The following GAS7 variants were observed in gnomAD, a reference collection of about 807,000 sequenced individuals.
GAS7 encodes the protein growth arrest-specific protein 7.
In GAS7, 28 loss-of-function variants were observed where a neutral mutation model predicts 71.1. The ratio of observed to expected loss-of-function variants is 0.39; its 90% CI spans 0.29 to 0.54. The LOEUF (loss-of-function observed/expected upper bound fraction) is 0.54. GAS7 is among the 20% of genes least tolerant of loss of function. The probability of loss-of-function intolerance (pLI) is 0.62; values close to 1 mark genes in which losing one functional copy is unlikely to be tolerated. For missense variants in GAS7, 436 were observed against 627.8 expected (o/e 0.69, Z 3.27); for synonymous variants, 258 against 245.8 (o/e 1.05, Z -0.46).
chr17:10,096,251 G>A (rs2073640059), intron 1 of GAS7, among the ~76,000 whole-genome samples: 1 of 152,174 alleles, frequency 6.6e-6, no homozygotes, highest in Non-Finnish European at 1.5e-5. Context: ...GTCCCTAGAA[G>A]CCAAACCAAA....
intron 1 of GAS7, among the ~76,000 whole-genome samples, chr17:10,155,490 ACTCGTGAGCTTCAAATAACTGTCT>A (rs2074198986): frequency 6.6e-6 from 1 of 152,158 alleles, no homozygotes; most frequent in Non-Finnish European, 1.5e-5. Flanking sequence ...TGTGTGAATG[ACTCGTGAGCTTCAAATAACTGTCT>A]CTGCAGCAAA....
At chr17:10,081,648 A>G (rs2152251720) in intron 1 of GAS7, among the ~76,000 whole-genome samples, 1 of 152,358 alleles carries the variant, frequency 6.6e-6, no homozygotes, top group Non-Finnish European at 1.5e-5. Flanking sequence ...GAGGAAATTC[A>G]AATGGTAAAT....
At chr17:10,066,774 T>C (rs1021309897) in intron 1 of GAS7, among the ~76,000 whole-genome samples, 2 of 152,164 alleles carry the variant, frequency 1.3e-5, no homozygotes, top group African/African-American at 2.4e-5. Flanking sequence ...TCTGCTTGGA[T>C]TGGCTCCTGG....
chr17:10,181,083 G>GCC (rs2074410999), intron 1 of GAS7, among the ~76,000 whole-genome samples: 1 of 146,784 alleles, frequency 6.8e-6, no homozygotes, highest in East Asian at 2.0e-4. Context: ...GGTGGCGGTG[G>GCC]GGGCACGGTG....
chr17:10,042,153 G>A (rs1412296944), intron 1 of GAS7, among the ~76,000 whole-genome samples: 1 of 151,960 alleles, frequency 6.6e-6, no homozygotes, highest in Non-Finnish European at 1.5e-5. Context: ...AAATTAGCTG[G>A]GCGTGGTGGC....
At chr17:10,108,754 G>A (rs997752594) in intron 1 of GAS7, among the ~76,000 whole-genome samples, 1 of 152,140 alleles carries the variant, frequency 6.6e-6, no homozygotes, top group Non-Finnish European at 1.5e-5. Flanking sequence ...CTTCAATCAG[G>A]GGTGTTGAGG....
chr17:10,197,176 G>GC (rs1335414662), intron 1 of GAS7, among the ~76,000 whole-genome samples: 2 of 151,136 alleles, frequency 1.3e-5, no homozygotes, highest in Non-Finnish European at 2.9e-5. Flanking sequence ...TCTTCCCCCC[G>GC]CCCCCGATGA....
intron 1 of GAS7, among the ~76,000 whole-genome samples, chr17:10,181,566 G>A (rs1459537289): frequency 1.3e-5 from 2 of 152,134 alleles, no homozygotes; most frequent in African/African-American, 2.4e-5. Flanking sequence ...CATCATGCAC[G>A]TGAATAAATA....
intron 1 of GAS7, among the ~76,000 whole-genome samples, chr17:10,149,385 G>A (rs1242964180): frequency 6.6e-6 from 1 of 152,182 alleles, no homozygotes; most frequent in Non-Finnish European, 1.5e-5. Flanking sequence ...TTACAGACGT[G>A]AGCCACCGCG....
At position 10,099,241 on chromosome 17, in the gene GAS7, A is replaced by G. The variant is rs533400756; in HGVS notation, c.184-79344T>C. 3.2e-4 allele frequency among the ~76,000 whole-genome samples: 48 copies of G among 152,096 alleles called. No homozygotes were observed. In the East Asian group the frequency reaches 7.0e-3, roughly 22 times the overall value. On this transcript the variant is annotated intron_variant, in intron 1 of 13. Transcript: ENST00000432992. ...CCCTCCCTCTGCCCACCCATTTACC[A>G]AACAGCGCCTGTTCCACCAGCCCAC...
intron 1 of GAS7, among the ~76,000 whole-genome samples, chr17:10,129,755 C>T (rs527495735): frequency 3.3e-5 from 5 of 152,264 alleles, no homozygotes; most frequent in South Asian, 2.1e-4. Context: ...TTGCAAACCA[C>T]GTATCTGATA....
chr17:10,069,889 GCAATGTTATT>G (rs2073322106), intron 1 of GAS7, among the ~76,000 whole-genome samples: 1 of 152,164 alleles, frequency 6.6e-6, no homozygotes, highest in Non-Finnish European at 1.5e-5. Flanking sequence ...CAAACACCAA[GCAATGTTATT>G]CAATCTTTGC....
chr17:10,043,727 C>A (rs114250580), intron 1 of GAS7, among the ~76,000 whole-genome samples: 3,050 of 152,200 alleles, frequency 0.02, 99 homozygotes, highest in African/African-American at 0.067. Flanking sequence ...CCAGCCTGGG[C>A]AGTCTGGTGA....
chr17:10,158,348 A>C (rs571997187), intron 1 of GAS7, among the ~76,000 whole-genome samples: 3,460 of 146,246 alleles, frequency 0.024, 49 homozygotes, highest in Non-Finnish European at 0.037. Context: ...AAAAAAAAAA[A>C]AAAAAAAAAA....
intron 1 of GAS7, among the ~76,000 whole-genome samples, chr17:10,189,888 G>A (rs1352328794): frequency 3.3e-5 from 5 of 150,118 alleles, no homozygotes; most frequent in Non-Finnish European, 4.4e-5. Context: ...GCAGTGAGCC[G>A]AGATCACACC....
At chr17:10,018,788 G>GGGGT (rs1334241337) in intron 2 of GAS7, among the ~76,000 whole-genome samples, 2 of 152,180 alleles carry the variant, frequency 1.3e-5, no homozygotes, top group Admixed American at 1.3e-4. Context: ...CAGGTGGGAA[G>GGGGT]GGGTGGTCAT....
In GAS7 at chr17:10,034,658, T is replaced by C. The variant is rs1327702106; in HGVS notation, c.184-14761A>G. Among the ~76,000 whole-genome samples the C allele has an allele frequency of 6.6e-6, 1 of 152,066 alleles. No individual in the cohort carries two copies. Among genetic ancestry groups the C allele is most frequent in the Non-Finnish European group, 1.5e-5 (1 of 68,040 alleles). On this transcript the variant is annotated intron_variant, in intron 1 of 13. Coordinates refer to ENST00000432992, the MANE Select transcript of GAS7 (RefSeq NM_201433.2). The surrounding 1 kb of genome is among the most constrained non-coding windows in gnomAD (Gnocchi z 4.4). ...GTATATATGTTTTAAGGACATGCCA[T>C]TTTAATAGGAGAAAAAAAGTCACAT...
chr17:10,167,449 G>T (rs1215700480), intron 1 of GAS7, among the ~76,000 whole-genome samples: 1 of 152,156 alleles, frequency 6.6e-6, no homozygotes, highest in Non-Finnish European at 1.5e-5. Context: ...CCTCACGTGG[G>T]TGTCAAAAAG....
rs1160113064 is a variant in GAS7, at chr17:10,103,736, G to T, written c.184-83839C>A. On this transcript the variant is annotated intron_variant, in intron 1 of 13. Coordinates refer to ENST00000432992, the MANE Select transcript of GAS7 (RefSeq NM_201433.2). The surrounding 1 kb of genome is among the most constrained non-coding windows in gnomAD (Gnocchi z 5.5). ...GGCTACTAGGGAGGCTGAGGCAGGA[G>T]AACTGCTTGAACCTGGGAGGCAGAG... Among the ~76,000 whole-genome samples the T allele has an allele frequency of 6.6e-6, 1 of 151,638 alleles. No individual in the cohort carries two copies. Among genetic ancestry groups the T allele is most frequent in the Non-Finnish European group, 1.5e-5 (1 of 67,996 alleles).
Sources: gnomAD v4.1 joint callset for allele counts (sites outside exome capture counted in the v4.1 genomes callset) on GRCh38, gnomAD v4.1.1 for gene constraint, Gnocchi (gnomAD v3.1) non-coding constraint, MANE v1.5 for transcripts, NCBI Gene and HGNC (gene_info 2026-07-23, HGNC 2026-07-21) for gene names.